LSAMP: variants seen among roughly 807,000 people sequenced by gnomAD.
LSAMP encodes limbic system-associated membrane protein.
A neutral mutation model predicts 38.6 loss-of-function variants in LSAMP; 7 were observed. The ratio of observed to expected loss-of-function variants is 0.18; its 90% CI spans 0.10 to 0.34. LSAMP has a LOEUF of 0.34. Ranked by LOEUF, LSAMP falls within the 10% of genes least tolerant of loss-of-function variation. LSAMP has a pLI of 1.00. For missense variants in LSAMP, 313 were observed against 420.0 expected (o/e 0.75, Z 2.23); for synonymous variants, 154 against 166.8 (o/e 0.92, Z 0.59).
intron 1 of LSAMP, among the ~76,000 whole-genome samples, chr3:116,348,660 G>A (rs973738568): frequency 1.3e-5 from 2 of 152,036 alleles, no homozygotes; most frequent in Admixed American, 1.3e-4. Context: ...ATACAAACTC[G>A]TATTAATTCC....
At chr3:116,232,714 T>TA (rs1189394648) in intron 1 of LSAMP, among the ~76,000 whole-genome samples, 1 of 148,450 alleles carries the variant, frequency 6.7e-6, no homozygotes, top group African/African-American at 2.5e-5. Context: ...TTTTTTTTTT[T>TA]TTCCAGCAGG....
intron 3 of LSAMP, among the ~76,000 whole-genome samples, chr3:115,966,322 C>T (rs1379735658): frequency 6.6e-6 from 1 of 152,174 alleles, no homozygotes; most frequent in Non-Finnish European, 1.5e-5. Context: ...AGTGCCTTAC[C>T]ATCTCTGGAA....
At chr3:115,905,937 A>G (rs919643377) in intron 3 of LSAMP, among the ~76,000 whole-genome samples, 1 of 152,120 alleles carries the variant, frequency 6.6e-6, no homozygotes, top group African/African-American at 2.4e-5. Flanking sequence ...AAGTGGGATG[A>G]GGCTAGGGGA....
At chr3:116,089,668 T>G (rs1162803506) in intron 1 of LSAMP, among the ~76,000 whole-genome samples, 2 of 152,164 alleles carry the variant, frequency 1.3e-5, no homozygotes, top group Admixed American at 1.3e-4. Flanking sequence ...AGAATACACA[T>G]ACTTTTTCCT....
rs1264319952 is a variant in LSAMP at position 115,803,342 on chromosome 3, ACT to A, written c.*6973_*6974del. The A allele has an allele frequency of 1.3e-5, 2 of 152,190 alleles. No individual in the cohort carries two copies. The highest frequency in any genetic ancestry group is 6.5e-5 in the Admixed American group (1 of 15,276). The allele number at this position is 152,190 out of a possible 1,614,324, so 9.4% of individuals were successfully genotyped here. A position where few individuals can be genotyped will look rare whatever the true frequency, so the allele number is the denominator to read the frequency against. On this transcript the variant is annotated 3_prime_UTR_variant, in exon 7 of 7. Coordinates refer to ENST00000490035, the MANE Select transcript of LSAMP (RefSeq NM_002338.5). ...AAACCCTACTCTTCAGTGACTGGAA[ACT>A]CTGATGCCTTCTGTTCTTTCAGACA...
chr3:116,106,885 G>A (rs1011323961), intron 1 of LSAMP, among the ~76,000 whole-genome samples: 7 of 152,148 alleles, frequency 4.6e-5, no homozygotes, highest in East Asian at 1.9e-4. Context: ...GGAAGGGAGG[G>A]GGCCTGAATA....
chr3:115,927,600 C>A (rs1396499619), intron 3 of LSAMP, among the ~76,000 whole-genome samples: 1 of 152,166 alleles, frequency 6.6e-6, no homozygotes, highest in African/African-American at 2.4e-5. Flanking sequence ...TTTCTTAACT[C>A]TTTGGCGTCC....
At chr3:115,844,870 G>A (rs1312489197) in intron 4 of LSAMP, among the ~76,000 whole-genome samples, 9 of 152,088 alleles carry the variant, frequency 5.9e-5, no homozygotes, top group African/African-American at 9.7e-5. Context: ...CCAGCTACTC[G>A]GGAACCTGCG....
chr3:116,442,137 G>T (rs1334113841), intron 1 of LSAMP, among the ~76,000 whole-genome samples: 2 of 152,086 alleles, frequency 1.3e-5, no homozygotes, highest in Non-Finnish European at 2.9e-5. Flanking sequence ...TTACACTAAA[G>T]ATCATAATTA....
intron 1 of LSAMP, among the ~76,000 whole-genome samples, chr3:116,136,684 T>C (rs1709254781): frequency 1.3e-5 from 2 of 152,130 alleles, no homozygotes; most frequent in Admixed American, 6.6e-5. Context: ...TGTTCACTTA[T>C]TATTTTCTCA....
chr3:115,868,712 T>C (rs1935930064), intron 3 of LSAMP, among the ~76,000 whole-genome samples: 1 of 152,158 alleles, frequency 6.6e-6, no homozygotes, highest in Non-Finnish European at 1.5e-5. Flanking sequence ...TGTAATTTAA[T>C]CAAAACCATA....
At chr3:116,241,254 AC>A (rs1446966748) in intron 1 of LSAMP, among the ~76,000 whole-genome samples, 2 of 146,248 alleles carry the variant, frequency 1.4e-5, no homozygotes, top group African/African-American at 2.5e-5. Context: ...CATGTAGACC[AC>A]CCTTTCTGTT....
chr3:116,300,297 A>G (rs2047388542), intron 1 of LSAMP, among the ~76,000 whole-genome samples: 1 of 152,212 alleles, frequency 6.6e-6, no homozygotes, highest in Non-Finnish European at 1.5e-5. Flanking sequence ...GACAGCAAAA[A>G]ATAAGAACTT....
At chr3:116,017,522 G>T (rs1368982667) in intron 3 of LSAMP, among the ~76,000 whole-genome samples, 2 of 152,052 alleles carry the variant, frequency 1.3e-5, no homozygotes, top group Non-Finnish European at 2.9e-5. Context: ...AGTGTGATCT[G>T]AAATGGACTT....
chr3:116,098,162 C>T (rs1576360835), intron 1 of LSAMP, among the ~76,000 whole-genome samples: 3 of 152,186 alleles, frequency 2.0e-5, no homozygotes, highest in Admixed American at 6.5e-5. Flanking sequence ...GTGGTCTCCT[C>T]TCCCAGATGA....
At chr3:116,203,048 G>C (rs1353195452) in intron 1 of LSAMP, among the ~76,000 whole-genome samples, 1 of 152,080 alleles carries the variant, frequency 6.6e-6, no homozygotes, top group East Asian at 1.9e-4. Flanking sequence ...AAATCCTCTA[G>C]TTTTAGAGAA....
chr3:116,062,242 C>T (rs1015763342), intron 2 of LSAMP, among the ~76,000 whole-genome samples: 5 of 152,096 alleles, frequency 3.3e-5, no homozygotes, highest in African/African-American at 1.2e-4. Flanking sequence ...GGCATGGTGG[C>T]CTATGCCTGT....
At chr3:115,933,209 T>A (rs1343642022) in intron 3 of LSAMP, among the ~76,000 whole-genome samples, 1 of 152,082 alleles carries the variant, frequency 6.6e-6, no homozygotes, top group Non-Finnish European at 1.5e-5. Flanking sequence ...CATAGGATAG[T>A]GACAATAGGA....
intron 1 of LSAMP, among the ~76,000 whole-genome samples, chr3:116,124,614 G>T (rs1331042069): frequency 1.3e-5 from 2 of 152,138 alleles, no homozygotes; most frequent in African/African-American, 4.8e-5. Context: ...TTGGGAAAAC[G>T]TTTCTGGGCA....
Sources: gnomAD v4.1 joint callset for allele counts (sites outside exome capture counted in the v4.1 genomes callset) on GRCh38, gnomAD v4.1.1 for gene constraint, MANE v1.5 for transcripts, NCBI Gene and HGNC (gene_info 2026-07-23, HGNC 2026-07-21) for gene names.